Variants in SPAG16 observed in about 807,000 individuals in gnomAD.
The protein encoded by SPAG16 is sperm-associated antigen 16 protein.
Under a neutral mutation model 80.4 loss-of-function variants are expected in SPAG16, and 86 were observed. The ratio of observed to expected loss-of-function variants is 1.07; its 90% CI spans 0.90 to 1.28. The LOEUF (loss-of-function observed/expected upper bound fraction) is 1.28, where lower values mean the gene tolerates loss of function less well. SPAG16 is among the 50% of genes most tolerant of loss of function. SPAG16 has a pLI of 0.00. For synonymous variants in SPAG16, 294 were observed against 265.9 expected (o/e 1.11, Z -1.03); for missense variants, 870 against 765.3 (o/e 1.14, Z -1.61).
intron 10 of SPAG16, among the ~76,000 whole-genome samples, chr2:213,567,767 C>A (rs1169994774): frequency 1.8e-5 from 1 of 54,474 alleles, no homozygotes; most frequent in Non-Finnish European, 3.1e-5. Flanking sequence ...ATGGCTGGGT[C>A]AAATGGTATT....
chr2:213,717,971 T>C (rs1409025404), intron 10 of SPAG16, among the ~76,000 whole-genome samples: 4 of 151,930 alleles, frequency 2.6e-5, no homozygotes, highest in South Asian at 4.1e-4. Flanking sequence ...CGAAAAGCAA[T>C]GGCAACAATG....
intron 1 of SPAG16, 183 bp downstream of exon 1, chr2:213,284,802 C>A: frequency 2.3e-6 from 2 of 879,954 alleles, no homozygotes; most frequent in South Asian, 1.9e-5. Context: ...CTGAATTTCT[C>A]GCCCTTAGTA....
intron 15 of SPAG16, among the ~76,000 whole-genome samples, chr2:214,163,603 CAT>C (rs201722067): frequency 0.064 from 9,011 of 140,984 alleles, 319 homozygotes; most frequent in Non-Finnish European, 0.075. Flanking sequence ...CACATATATA[CAT>C]ATATATATAC....
chr2:214,115,834 C>T (rs1413475532), intron 14 of SPAG16, among the ~76,000 whole-genome samples: 1 of 140,348 alleles, frequency 7.1e-6, no homozygotes, highest in Non-Finnish European at 1.5e-5. Flanking sequence ...GCTGAGATTG[C>T]ACAACTGCAC....
In SPAG16 at chr2:213,522,425, G is replaced by A. The variant is rs112614168; in HGVS notation, c.1070+32335G>A. Among the ~76,000 whole-genome samples the A allele has an allele frequency of 7.9e-4, 121 of 152,302 alleles. 2 individuals are homozygous for A. The highest frequency in any genetic ancestry group is 3.4e-3 in the Middle Eastern group (1 of 294). On this transcript the variant is annotated intron_variant, in intron 10 of 15. Transcript: ENST00000331683. Reference sequence around the variant, plus strand: ...TCCTGTCAACAGCTATTTAAAAAGGGGGGTGGGAAGAGAGAACTGGGCAGA... The same window carrying A: ...TCCTGTCAACAGCTATTTAAAAAGGAGGGTGGGAAGAGAGAACTGGGCAGA...
chr2:213,352,259 A>G (rs1366462043), intron 7 of SPAG16, among the ~76,000 whole-genome samples: 3 of 152,090 alleles, frequency 2.0e-5, no homozygotes, highest in African/African-American at 7.2e-5. Context: ...GAACTAATAC[A>G]AATGAGTTTA....
rs554771436 is a variant in SPAG16 at position 214,063,634 on chromosome 2, T to C, written c.1528-44562T>C. ...TCACATGAGCAATTAGGTTTCAACA[T>C]ATGAATTTTGGGGACATTCAGACAG... On this transcript the variant is annotated intron_variant, in intron 13 of 15. Transcript: ENST00000331683. Among the ~76,000 whole-genome samples, 21 of 152,298 alleles carry C rather than the reference T, an allele frequency of 1.4e-4. No individual in the cohort carries two copies. In the East Asian group the frequency reaches 1.9e-3, roughly 14 times the overall value.
chr2:213,729,542 A>C (rs908243903), intron 10 of SPAG16, among the ~76,000 whole-genome samples: 7 of 152,230 alleles, frequency 4.6e-5, no homozygotes, highest in Admixed American at 6.5e-5. Flanking sequence ...GAGTCTTATC[A>C]GGTAGCATTA....
chr2:214,163,637 T>TACACACATATATACATATATATAG (rs1553518019), intron 15 of SPAG16, among the ~76,000 whole-genome samples: 1 of 149,030 alleles, frequency 6.7e-6, no homozygotes, highest in South Asian at 2.1e-4. Flanking sequence ...CATATATATA[T>TACACACATATATACATATATATAG]AGAGAGAGAG....
intron 10 of SPAG16, among the ~76,000 whole-genome samples, chr2:213,680,411 G>A (rs1255582576): frequency 6.7e-6 from 1 of 148,540 alleles, no homozygotes; most frequent in Non-Finnish European, 1.5e-5. Flanking sequence ...TACTTACGAG[G>A]AACAAATACC....
At chr2:213,783,334 A>T (rs2070135594) in intron 10 of SPAG16, among the ~76,000 whole-genome samples, 1 of 130,490 alleles carries the variant, frequency 7.7e-6, no homozygotes, top group Non-Finnish European at 1.7e-5. Context: ...AAAAAAAAAA[A>T]TCTTAATGAC....
chr2:214,403,005 G>T (rs1701798934), intron 15 of SPAG16, among the ~76,000 whole-genome samples: 1 of 149,730 alleles, frequency 6.7e-6, no homozygotes, highest in Non-Finnish European at 1.5e-5. Context: ...TTTAGTAAGG[G>T]CAGCTGAATC....
At chr2:214,081,178 C>T (rs1239386752) in intron 13 of SPAG16, among the ~76,000 whole-genome samples, 1 of 151,704 alleles carries the variant, frequency 6.6e-6, no homozygotes. Context: ...TCACTGAAAA[C>T]CATAATTCAA....
At chr2:214,007,630 GC>G (rs1415352693) in intron 12 of SPAG16, among the ~76,000 whole-genome samples, 2 of 152,010 alleles carry the variant, frequency 1.3e-5, no homozygotes, top group Non-Finnish European at 2.9e-5. Context: ...GGAATTCTGG[GC>G]TGAATATTGA....
At chr2:214,167,489 C>T (rs2056702972) in intron 15 of SPAG16, among the ~76,000 whole-genome samples, 1 of 152,016 alleles carries the variant, frequency 6.6e-6, no homozygotes, top group Non-Finnish European at 1.5e-5. Flanking sequence ...TTCTGTTCTC[C>T]CTATAAATCC....
intron 12 of SPAG16, among the ~76,000 whole-genome samples, chr2:213,938,529 A>G (rs2079077563): frequency 6.6e-6 from 1 of 152,020 alleles, no homozygotes; most frequent in African/African-American, 2.4e-5. Flanking sequence ...ATTTCAATCA[A>G]AATATTTATT....
At chr2:213,668,805 C>T (rs1172864516) in intron 10 of SPAG16, among the ~76,000 whole-genome samples, 2 of 151,870 alleles carry the variant, frequency 1.3e-5, no homozygotes, top group African/African-American at 4.8e-5. Context: ...TGTGCCACCA[C>T]GCCCAGCTAA....
At chr2:213,997,625 C>A (rs544755574) in intron 12 of SPAG16, among the ~76,000 whole-genome samples, 11 of 152,264 alleles carry the variant, frequency 7.2e-5, no homozygotes, top group Admixed American at 2.0e-4. Context: ...AAAAAATACT[C>A]TTTTGCTGAC....
intron 1 of SPAG16, chr2:213,285,845 G>T (rs1477991170): frequency 4.0e-6 from 5 of 1,261,140 alleles, no homozygotes; most frequent in Non-Finnish European, 5.2e-6. Flanking sequence ...CTTTTCCAGT[G>T]ATATTCCTCT....
Sources: allele counts gnomAD v4.1 joint callset (sites outside exome capture counted in the v4.1 genomes callset), GRCh38; gene constraint gnomAD v4.1.1; transcripts MANE v1.5; gene names NCBI Gene and HGNC (gene_info 2026-07-23, HGNC 2026-07-21).